KCND2: variants seen among roughly 807,000 people sequenced by gnomAD.
KCND2 encodes the protein A-type voltage-gated potassium channel KCND2.
Under a neutral mutation model 54.4 loss-of-function variants are expected in KCND2, and 16 were observed. The ratio of observed to expected loss-of-function variants is 0.29; its 90% CI spans 0.20 to 0.45. KCND2 has a LOEUF of 0.45. Ranked by LOEUF, KCND2 falls within the 20% of genes least tolerant of loss-of-function variation. KCND2 has a pLI of 1.00. For missense variants in KCND2, 486 were observed against 824.2 expected, an observed-to-expected ratio of 0.59 and a Z score of 5.02; for synonymous variants, 317 against 310.7, an observed-to-expected ratio of 1.02 and a Z score of -0.21.
At chr7:120,479,899 C>T (rs1339582511) in intron 1 of KCND2, among the ~76,000 whole-genome samples, 1 of 145,396 alleles carries the variant, frequency 6.9e-6, no homozygotes, top group African/African-American at 2.5e-5. Context: ...CCTAGGAGGC[C>T]GAGGCTGCAG....
At chr7:120,326,648 A>G (rs1455254039) in intron 1 of KCND2, among the ~76,000 whole-genome samples, 1 of 152,140 alleles carries the variant, frequency 6.6e-6, no homozygotes, top group Non-Finnish European at 1.5e-5. Context: ...TGGATACAAA[A>G]TGATCAAAAT....
At chr7:120,745,393 C>G (rs1439940060) in intron 4 of KCND2, among the ~76,000 whole-genome samples, 1 of 151,706 alleles carries the variant, frequency 6.6e-6, no homozygotes, top group East Asian at 1.9e-4. Context: ...TAACTTCAAC[C>G]TTTTTAAAAA....
intron 1 of KCND2, among the ~76,000 whole-genome samples, chr7:120,730,795 T>G (rs765042020): frequency 2.0e-5 from 3 of 152,188 alleles, no homozygotes; most frequent in Non-Finnish European, 2.9e-5. Flanking sequence ...CAGTTTTTCT[T>G]CAGCCAATTC....
At chr7:120,309,018 T>C (rs941147891) in intron 1 of KCND2, among the ~76,000 whole-genome samples, 3 of 151,986 alleles carry the variant, frequency 2.0e-5, no homozygotes, top group Admixed American at 2.0e-4. Context: ...GCCTGGGAAA[T>C]ATATGGGCAG....
intron 1 of KCND2, among the ~76,000 whole-genome samples, chr7:120,517,863 G>A (rs535513597): frequency 6.6e-6 from 1 of 152,206 alleles, no homozygotes; most frequent in South Asian, 2.1e-4. Context: ...AGCATGATGT[G>A]CTTGTCATGT....
intron 1 of KCND2, among the ~76,000 whole-genome samples, chr7:120,448,031 A>T (rs6951631): frequency 1 from 152,212 of 152,212 alleles, 76,106 homozygotes; most frequent in Non-Finnish European, 1. Flanking sequence ...CCTTGATTTT[A>T]AAAAAATTAT....
chr7:120,653,008 G>A (rs754544969), intron 1 of KCND2, among the ~76,000 whole-genome samples: 3 of 152,018 alleles, frequency 2.0e-5, no homozygotes, highest in Admixed American at 6.6e-5. Flanking sequence ...ATGGATGGAA[G>A]AGCTGATCCA....
chr7:120,333,580 A>C (rs1800099276), intron 1 of KCND2, among the ~76,000 whole-genome samples: 1 of 152,188 alleles, frequency 6.6e-6, no homozygotes, highest in Admixed American at 6.5e-5. Context: ...TCAAAGCGTA[A>C]GAAAAATTCA....
At chr7:120,675,306 C>T (rs955594596) in intron 1 of KCND2, among the ~76,000 whole-genome samples, 2 of 152,146 alleles carry the variant, frequency 1.3e-5, no homozygotes, top group Non-Finnish European at 2.9e-5. Context: ...GATCTCAGCT[C>T]ACTGTAATCT....
At chr7:120,437,189 A>G (rs1466664240) in intron 1 of KCND2, among the ~76,000 whole-genome samples, 1 of 150,450 alleles carries the variant, frequency 6.6e-6, no homozygotes. Flanking sequence ...ACTACTGGAG[A>G]CAATCAATAT....
At chr7:120,606,787 G>T (rs2116480742) in intron 1 of KCND2, among the ~76,000 whole-genome samples, 1 of 152,028 alleles carries the variant, frequency 6.6e-6, no homozygotes, top group East Asian at 1.9e-4. Context: ...ACACTGTCTT[G>T]GTTACTGTAG....
At chr7:120,619,388 G>A (rs938532106) in intron 1 of KCND2, among the ~76,000 whole-genome samples, 5 of 152,138 alleles carry the variant, frequency 3.3e-5, no homozygotes, top group African/African-American at 1.2e-4. Flanking sequence ...CTCCAGTCTG[G>A]GCAACAGAGC....
chr7:120,283,903 A>T (rs1297808911), intron 1 of KCND2, among the ~76,000 whole-genome samples: 1 of 152,174 alleles, frequency 6.6e-6, no homozygotes, highest in Non-Finnish European at 1.5e-5. Context: ...TTGCCATAGG[A>T]TATGTATTTT....
intron 1 of KCND2, among the ~76,000 whole-genome samples, chr7:120,732,355 A>G (rs1026679504): frequency 1.3e-5 from 2 of 152,214 alleles, no homozygotes; most frequent in African/African-American, 4.8e-5. Flanking sequence ...AATAAGCTAC[A>G]AATGAGAGAT....
At chr7:120,466,369 GA>G (rs1000120218) in intron 1 of KCND2, among the ~76,000 whole-genome samples, 8 of 152,048 alleles carry the variant, frequency 5.3e-5, no homozygotes, top group Non-Finnish European at 8.8e-5. Context: ...CACAGGATTT[GA>G]AAAAAACTAA....
At position 120,650,655 on chromosome 7, in the gene KCND2, C is replaced by T. The variant is rs932174016; in HGVS notation, c.1116-82248C>T. ...CTGTCCAGCTTTGTTCCATTGCTGG[C>T]GAGGAGCTGCGTTCCTTTGGAGGAG... On this transcript the variant is annotated intron_variant, in intron 1 of 5. Coordinates refer to ENST00000331113, the MANE Select transcript of KCND2 (RefSeq NM_012281.3). 4.2e-5 allele frequency among the ~76,000 whole-genome samples: 6 copies of T among 143,906 alleles called. 1 individual carries two copies. Among genetic ancestry groups the T allele is most frequent in the East Asian group, 1.9e-4 (1 of 5,164 alleles). The allele number at this position is 143,906 out of a possible 152,430, so 94.4% of individuals were successfully genotyped here.
In KCND2 at chr7:120,311,285, A is replaced by G. The variant is rs547968762; in HGVS notation, c.1115+35538A>G. 7.2e-5 allele frequency among the ~76,000 whole-genome samples: 11 copies of G among 152,288 alleles called. No homozygotes were observed. In the South Asian group the frequency reaches 2.3e-3, roughly 32 times the overall value. On this transcript the variant is annotated intron_variant, in intron 1 of 5. Transcript: ENST00000331113. ...ATAAAAATGCTATTTTAAAGGAGGT[A>G]TTTTGCACAGTTTTGTAAATAATTA...
chr7:120,669,553 A>G (rs1175557359), intron 1 of KCND2, among the ~76,000 whole-genome samples: 9 of 152,114 alleles, frequency 5.9e-5, no homozygotes, highest in Admixed American at 5.9e-4. Flanking sequence ...AGGAGACACA[A>G]AAAGATAACC....
intron 1 of KCND2, among the ~76,000 whole-genome samples, chr7:120,477,696 G>A (rs1026002666): frequency 2.0e-5 from 3 of 152,022 alleles, no homozygotes; most frequent in Non-Finnish European, 2.9e-5. Flanking sequence ...ACTCTAAGGC[G>A]GTTGGCTGGG....
Sources: gnomAD v4.1 joint callset for allele counts (sites outside exome capture counted in the v4.1 genomes callset) on GRCh38, gnomAD v4.1.1 for gene constraint, MANE v1.5 for transcripts, NCBI Gene and HGNC (gene_info 2026-07-23, HGNC 2026-07-21) for gene names.